Variants in USP36 observed in about 807,000 individuals in gnomAD.
USP36 encodes ubiquitin specific peptidase 36, also known as ubiquitin carboxyl-terminal hydrolase 36.
USP36 carries 59 observed loss-of-function variants against 111.5 expected under a neutral mutation model. The observed-to-expected ratio is 0.53, with a 90% CI of 0.43 to 0.66. The LOEUF (loss-of-function observed/expected upper bound fraction) is 0.66. USP36 is among the 30% of genes least tolerant of loss of function. The pLI is 0.00. For synonymous variants in USP36, 628 were observed against 581.0 expected (o/e 1.08, Z -1.16); for missense variants, 1,488 against 1,468.0 (o/e 1.01, Z -0.22).
chr17:78,813,972 A>C, intron 11 of USP36, 99 bp from the exon 12 acceptor site: 1 of 961,180 alleles, frequency 1.0e-6, no homozygotes, highest in Non-Finnish European at 1.6e-6. Flanking sequence ...TAGTTGCTAC[A>C]TTTCCAAACA....
chr17:78,790,368 G>A (rs2093573298), intron 3 of USP36, among the ~76,000 whole-genome samples: 1 of 152,124 alleles, frequency 6.6e-6, no homozygotes, highest in Non-Finnish European at 1.5e-5. Flanking sequence ...TCAGCTCACT[G>A]CAACCTCCAC....
In USP36 at chr17:78,807,497, G is replaced by A. The variant is rs1272755857; in HGVS notation, c.1547C>T (p.Pro516Leu). ...GTGTGTGGGTGTCTGGGAGAGTTTGGGGGAAGGGGACCCCGAGGGCAGCTT... is the reference window on the plus strand; with the variant it reads ...GTGTGTGGGTGTCTGGGAGAGTTTGAGGGAAGGGGACCCCGAGGGCAGCTT... ...PPKLPSGSPS[P>L]KLSQTPTHMP... Residue 516 changes from proline to leucine, a missense_variant, in exon 14 of 21, where the codon CCC becomes CTC. Physicochemically the swap from Pro to Leu is moderately conservative, Grantham distance 98. Around this residue, in one of 3 missense-constraint regions of USP36, gnomAD observed 1,073 missense variants for 994.1 expected, o/e 1.08. Coordinates refer to ENST00000449938, the MANE Select transcript of USP36 (RefSeq NM_001385174.1). 2 of 1,614,002 alleles carry A rather than the reference G, an allele frequency of 1.2e-6. No homozygotes were observed. The highest frequency in any genetic ancestry group is 8.5e-7 in the Non-Finnish European group (1 of 1,179,932).
chr17:78,835,023 G>A (rs2068528259), intron 4 of USP36, among the ~76,000 whole-genome samples: 1 of 130,346 alleles, frequency 7.7e-6, no homozygotes, highest in Non-Finnish European at 1.6e-5. Flanking sequence ...ATATATTTTG[G>A]AAGTATCTTT....
At chr17:78,816,441 C>T (rs1231702219) in intron 10 of USP36, among the ~76,000 whole-genome samples, 1 of 152,022 alleles carries the variant, frequency 6.6e-6, no homozygotes, top group African/African-American at 2.4e-5. Context: ...GCCTGGCCAA[C>T]ATGGTGGAAC....
rs752637504 is a variant in USP36 at position 78,798,931 on chromosome 17, C to T, written c.3217G>A (p.Asp1073Asn). Residue 1073 changes from aspartate (D) to asparagine (N), a missense_variant, in exon 19 of 21, where the codon GAC becomes AAC. Physicochemically the swap from Asp to Asn is conservative, Grantham distance 23. This residue lies in a region of USP36 where 1,073 missense variants were observed against 994.1 expected (regional missense o/e 1.08). Coordinates refer to ENST00000449938, the MANE Select transcript of USP36 (RefSeq NM_001385174.1). This position sits in a 1 kb window ranked among gnomAD's most constrained non-coding sequence, Gnocchi z 5.1. ...ARTETVVDDW[D>N]EEFDRGKEKK... Reference sequence around the variant, plus strand: ...ACCTTCCCTCGGTCAAACTCTTCGTCCCAGTCATCAACCACGGTCTCAGTC... The same window carrying T: ...ACCTTCCCTCGGTCAAACTCTTCGTTCCAGTCATCAACCACGGTCTCAGTC... 2 of 1,614,150 alleles carry T rather than the reference C, an allele frequency of 1.2e-6. No homozygotes were observed. Among genetic ancestry groups the T allele is most frequent in the Non-Finnish European group, 1.7e-6 (2 of 1,180,038 alleles).
intron 10 of USP36, among the ~76,000 whole-genome samples, chr17:78,816,324 C>CA (rs2094188684): frequency 6.6e-6 from 1 of 151,900 alleles, no homozygotes; most frequent in South Asian, 2.1e-4. Flanking sequence ...CATGACTGGC[C>CA]AATTAATAAA....
rs975669092 is a variant in USP36, at chr17:78,798,335, C to T, written c.*20+65G>A. The T allele has an allele frequency of 3.1e-6, 5 of 1,587,578 alleles. No homozygotes were observed. The highest frequency in any genetic ancestry group is 4.3e-6 in the Non-Finnish European group (5 of 1,168,510). The stretch of plus-strand genomic sequence containing the variant: ...ACACACACGCCACACCCCACCACAC[C>T]CCTACACACATACACGGCACACACA... On this transcript the variant is annotated intron_variant, in intron 20 of 20. Coordinates refer to ENST00000449938, the MANE Select transcript of USP36 (RefSeq NM_001385174.1). The surrounding 1 kb of genome is among the most constrained non-coding windows in gnomAD (Gnocchi z 5.1).
chr17:78,800,364 G>A (rs927367214), intron 17 of USP36, among the ~76,000 whole-genome samples: 5 of 152,214 alleles, frequency 3.3e-5, no homozygotes, highest in African/African-American at 1.2e-4. Flanking sequence ...GGGGAACCTG[G>A]TCCCCATCAG....
chr17:78,821,387 A>AATATATATATATATATATATATATACAT (rs2094315814), intron 7 of USP36: 1 of 54,788 alleles, frequency 1.8e-5, no homozygotes, highest in African/African-American at 1.1e-4. Context: ...TCCTAATGAG[A>AATATATATATATATATATATATATACAT]ATATATATAT....
intron 9 of USP36, 147 bp downstream of exon 9, chr17:78,819,783 T>C: frequency 2.7e-6 from 2 of 750,784 alleles, no homozygotes; most frequent in Admixed American, 2.4e-5. Flanking sequence ...ATTTAGAAGT[T>C]TGAGTTTTTA....
chr17:78,836,416 C>T (rs987945566), intron 2 of USP36, 44 bp from the exon 3 acceptor site: 2 of 1,588,770 alleles, frequency 1.3e-6, no homozygotes, highest in South Asian at 1.1e-5. Context: ...TAACGAAATC[C>T]CGGGACAAAA....
At chr17:78,830,810 G>A (rs932755187) in intron 4 of USP36, among the ~76,000 whole-genome samples, 1 of 151,774 alleles carries the variant, frequency 6.6e-6, no homozygotes, top group Non-Finnish European at 1.5e-5. Context: ...TACATAAAGG[G>A]GAGGTTTTTT....
At chr17:78,806,809 A>G in intron 14 of USP36, 150 bp downstream of exon 14, 1 of 1,137,842 alleles carries the variant, frequency 8.8e-7, no homozygotes, top group East Asian at 2.4e-5. Flanking sequence ...TTAATTGCAA[A>G]TGGCTGGGAA....
chr17:78,813,760 G>T lies in USP36; in HGVS notation c.1265+13C>A, dbSNP rs200030393. The T allele has an allele frequency of 5.6e-6, 9 of 1,611,960 alleles. No homozygotes were observed. The highest frequency in any genetic ancestry group is 4.2e-6 in the Non-Finnish European group (5 of 1,178,294). ...GGGAGTGAGCTCATCTGGGGAGGGCGTGAGTTTATTACCGCAGATAGAACA... is the reference window on the plus strand; with the variant it reads ...GGGAGTGAGCTCATCTGGGGAGGGCTTGAGTTTATTACCGCAGATAGAACA... On this transcript the variant is annotated intron_variant, in intron 12 of 20. Transcript: ENST00000449938.
intron 12 of USP36, 92 bp from the exon 13 acceptor site, chr17:78,813,093 A>C (rs2094106830): frequency 6.5e-7 from 1 of 1,529,548 alleles, no homozygotes; most frequent in Non-Finnish European, 8.9e-7. Context: ...GCAAAGGCAG[A>C]AACACGGCCT....
At chr17:78,832,752 A>G (rs1385874112) in intron 4 of USP36, among the ~76,000 whole-genome samples, 1 of 152,184 alleles carries the variant, frequency 6.6e-6, no homozygotes, top group Non-Finnish European at 1.5e-5. Context: ...CCATGAGACG[A>G]AAACAACAGC....
rs1433530057 is a variant in USP36, at chr17:78,819,927, T to G, written c.911+3A>C. ...CTTCTGCCACAAGCAACGTGAAACT[T>G]ACTTAGCACACATGTAGGCATTCTC... On this transcript the variant is annotated splice_donor_region_variant and intron_variant, in intron 9 of 20. Coordinates refer to ENST00000449938, the MANE Select transcript of USP36 (RefSeq NM_001385174.1). 1.9e-6 allele frequency: 3 copies of G among 1,613,864 alleles called. No individual in the cohort carries two copies. The highest frequency in any genetic ancestry group is 2.5e-6 in the Non-Finnish European group (3 of 1,179,912).
intron 9 of USP36, 29 bp from the exon 10 acceptor site, chr17:78,818,807 T>G: frequency 6.2e-7 from 1 of 1,609,918 alleles, no homozygotes; most frequent in Non-Finnish European, 8.5e-7. Flanking sequence ...GAAAGATTAA[T>G]GAATGATTGA....
Position 78,835,459 on chromosome 17 carries a change from G to C in USP36, c.296C>G (p.Ala99Gly). 6.2e-7 allele frequency: 1 copy of C among 1,612,476 alleles called. No homozygotes were observed. Among genetic ancestry groups the C allele is most frequent in the Non-Finnish European group, 8.5e-7 (1 of 1,179,220 alleles). ...CGTGGGGAAAAGCACTTTCTGCGGG[G>C]CTGGGACTCCGTCACCACAGCTCTC... ...TYESCGDGVPAPQKVLFPTER... is the reference protein window; with the variant it reads ...TYESCGDGVPGPQKVLFPTER... Residue 99 changes from alanine (A) to glycine (G), a missense_variant, in exon 4 of 21, where the codon GCC becomes GGC. Ala to Gly is a moderately conservative substitution (Grantham distance 60). This residue lies in a region of USP36 where 219 missense variants were observed against 209.5 expected (regional missense o/e 1.05). Coordinates refer to ENST00000449938, the MANE Select transcript of USP36 (RefSeq NM_001385174.1).
Sources: gnomAD v4.1 joint callset for allele counts (sites outside exome capture counted in the v4.1 genomes callset) on GRCh38, gnomAD v4.1.1 for gene constraint, gnomAD v4.1.1 regional missense constraint, Gnocchi (gnomAD v3.1) non-coding constraint, MANE v1.5 for transcripts, NCBI Gene and HGNC (gene_info 2026-07-23, HGNC 2026-07-21) for gene names.